Variants in LARP1 observed in about 807,000 individuals in gnomAD.
LARP1 encodes La ribonucleoprotein 1, translational regulator.
Under a neutral mutation model 122.7 loss-of-function variants are expected in LARP1, and 36 were observed. That is an observed-to-expected ratio of 0.29 (90% CI 0.22 to 0.39). The LOEUF (loss-of-function observed/expected upper bound fraction) is 0.39. LARP1 is among the 10% of genes least tolerant of loss of function. The pLI is 1.00. For synonymous variants in LARP1, 539 were observed against 528.7 expected (o/e 1.02, Z -0.27); for missense variants, 1,040 against 1,403.6 (o/e 0.74, Z 4.14).
intron 1 of LARP1, among the ~76,000 whole-genome samples, chr5:154,765,542 C>T (rs903942175): frequency 5.9e-5 from 9 of 152,152 alleles, no homozygotes; most frequent in African/African-American, 2.2e-4. Context: ...TACAGGCACA[C>T]GTCACCACGC....
At chr5:154,746,730 G>A (rs1582267909) in intron 1 of LARP1, among the ~76,000 whole-genome samples, 1 of 152,232 alleles carries the variant, frequency 6.6e-6, no homozygotes, top group South Asian at 2.1e-4. Flanking sequence ...TGGGCACTGT[G>A]GCTCATGCCT....
chr5:154,776,948 AAAAT>A (rs1350239439), intron 1 of LARP1, among the ~76,000 whole-genome samples: 3 of 152,274 alleles, frequency 2.0e-5, no homozygotes, highest in Non-Finnish European at 4.4e-5. Context: ...ATATAAATCT[AAAAT>A]AAATATCAAA....
At chr5:154,685,742 G>A (rs1419528481) in intron 1 of LARP1, 3 of 464,354 alleles carry the variant, frequency 6.5e-6, no homozygotes, top group Non-Finnish European at 1.3e-5. Flanking sequence ...GAGGCCAAGT[G>A]GGAGAAACAC....
intron 1 of LARP1, among the ~76,000 whole-genome samples, chr5:154,741,384 C>A (rs887819868): frequency 1.6e-4 from 25 of 152,164 alleles, no homozygotes; most frequent in African/African-American, 5.8e-4. Flanking sequence ...ATAAAATAGC[C>A]ACGTGCTCCA....
intron 14 of LARP1, 125 bp from the exon 15 acceptor site, chr5:154,805,755 GC>G: frequency 1.0e-6 from 1 of 954,326 alleles, no homozygotes; most frequent in East Asian, 2.4e-5. Flanking sequence ...CCGTAACTGG[GC>G]CTCCTTGTTT....
Position 154,792,776 on chromosome 5 carries a change from G to A in LARP1, c.719G>A (p.Arg240Gln). Residue 240 changes from arginine (R) to glutamine (Q), a missense_variant, in exon 4 of 19, where the codon CGA becomes CAA. This residue lies in a region of LARP1 where 11 missense variants were observed against 33.1 expected (regional missense o/e 0.33). Transcript: ENST00000518297. ...AAGAATGGAGATGAGGATTGCCAGC[G>A]AGGCGGGCAGAAGAAGAAAGGTGAG... ...EEKNGDEDCQ[R>Q]GGQKKKGNKH... The A allele has an allele frequency of 1.2e-6, 2 of 1,614,094 alleles. No homozygotes were observed. Among genetic ancestry groups the A allele is most frequent in the Non-Finnish European group, 8.5e-7 (1 of 1,179,986 alleles).
intron 1 of LARP1, among the ~76,000 whole-genome samples, chr5:154,766,971 C>G (rs1020379932): frequency 2.0e-5 from 3 of 152,212 alleles, no homozygotes; most frequent in Non-Finnish European, 4.4e-5. Context: ...TTAGGAACTT[C>G]AAGCCCAGAA....
intron 1 of LARP1, among the ~76,000 whole-genome samples, chr5:154,703,050 G>C (rs1754789367): frequency 6.6e-6 from 1 of 150,762 alleles, no homozygotes; most frequent in Admixed American, 6.6e-5. Flanking sequence ...GAACCCGGGA[G>C]GTGGAGGTTG....
At chr5:154,766,727 A>T (rs1316040747) in intron 1 of LARP1, among the ~76,000 whole-genome samples, 1 of 152,164 alleles carries the variant, frequency 6.6e-6, no homozygotes, top group Non-Finnish European at 1.5e-5. Context: ...CTGGTTTTAC[A>T]GCTATGCTGA....
chr5:154,694,315 G>A (rs1294146734), intron 1 of LARP1, among the ~76,000 whole-genome samples: 1 of 152,090 alleles, frequency 6.6e-6, no homozygotes, highest in Non-Finnish European at 1.5e-5. Flanking sequence ...GAAGTGCAGT[G>A]GTGTGATCCT....
chr5:154,784,033 C>T lies in LARP1; in HGVS notation c.437-6292C>T, dbSNP rs142969785. ...TGAGTCAAAGCTGGGCTAGGGCCTGCGTTCCTCTGGGAGCCAGCAGTTTCT... is the reference window on the plus strand; with the variant it reads ...TGAGTCAAAGCTGGGCTAGGGCCTGTGTTCCTCTGGGAGCCAGCAGTTTCT... On this transcript the variant is annotated intron_variant, in intron 1 of 18. Transcript: ENST00000518297. 3.2e-3 allele frequency among the ~76,000 whole-genome samples: 489 copies of T among 152,306 alleles called. 3 individuals carry two copies. The highest frequency in any genetic ancestry group is 0.011 in the African/African-American group (476 of 41,564).
intron 1 of LARP1, among the ~76,000 whole-genome samples, chr5:154,771,396 C>T (rs1202787940): frequency 6.6e-6 from 1 of 152,202 alleles, no homozygotes; most frequent in African/African-American, 2.4e-5. Context: ...CAGTGACAAT[C>T]CTCATTTTAC....
intron 1 of LARP1, among the ~76,000 whole-genome samples, chr5:154,774,049 ATT>A (rs543076767): frequency 2.1e-5 from 3 of 142,762 alleles, no homozygotes; most frequent in Middle Eastern, 3.3e-3. Flanking sequence ...GCCTGGCTTC[ATT>A]TTTTTTTTTT....
At chr5:154,771,032 A>G (rs1755375119) in intron 1 of LARP1, among the ~76,000 whole-genome samples, 1 of 151,860 alleles carries the variant, frequency 6.6e-6, no homozygotes, top group African/African-American at 2.4e-5. Context: ...GAGTCGCTTG[A>G]ACGCAGGAGG....
intron 1 of LARP1, among the ~76,000 whole-genome samples, chr5:154,769,824 A>G (rs1022328367): frequency 6.6e-6 from 1 of 152,180 alleles, no homozygotes; most frequent in Non-Finnish European, 1.5e-5. Flanking sequence ...GCTTCAGTCA[A>G]AGTGTTGGGG....
rs983768774 is a variant in LARP1, at chr5:154,789,418, G to A, written c.437-907G>A. Among the ~76,000 whole-genome samples the A allele has an allele frequency of 2.6e-5, 4 of 151,452 alleles. No homozygotes were observed. The East Asian group carries it at 5.9e-4, about 22-fold the overall frequency. On this transcript the variant is annotated intron_variant, in intron 1 of 18. Transcript: ENST00000518297. The stretch of plus-strand genomic sequence containing the variant: ...GTATTTTTAATAGAGACAGGGTTTC[G>A]CCATGTTGGCCAGGCTGGTCTCAAA...
chr5:154,755,447 G>A lies in LARP1; in HGVS notation c.-311G>A. 2 of 654,876 alleles carry A rather than the reference G, an allele frequency of 3.1e-6. No individual in the cohort carries two copies. Among genetic ancestry groups the A allele is most frequent in the Non-Finnish European group, 3.8e-6 (2 of 527,708 alleles). The allele number at this position is 654,876 out of a possible 1,614,324, so 40.6% of individuals were successfully genotyped here. A position where few individuals can be genotyped will look rare whatever the true frequency, so the allele number is the denominator to read the frequency against. On this transcript the variant is annotated 5_prime_UTR_variant, in exon 1 of 19. Coordinates refer to ENST00000518297, the MANE Select transcript of LARP1 (RefSeq NM_033551.3). ...GGGGGCGGGGGGGAGGGAGGGACGG[G>A]ACTAGAAGCCTGCCGGGCTCGGGGT...
intron 1 of LARP1, 97 bp downstream of exon 1, chr5:154,756,290 C>A: frequency 1.0e-6 from 1 of 982,088 alleles, no homozygotes; most frequent in Non-Finnish European, 1.2e-6. Flanking sequence ...GGTCTGCTAC[C>A]GGTCATGGTG....
intron 1 of LARP1, among the ~76,000 whole-genome samples, chr5:154,770,698 T>C (rs971838164): frequency 6.6e-6 from 1 of 152,158 alleles, no homozygotes; most frequent in African/African-American, 2.4e-5. Context: ...GTAAGATCCT[T>C]AGGGCAGAGT....
Sources: allele counts gnomAD v4.1 joint callset (sites outside exome capture counted in the v4.1 genomes callset), GRCh38; gene constraint gnomAD v4.1.1; regional missense constraint gnomAD v4.1.1; transcripts MANE v1.5; gene names NCBI Gene and HGNC (gene_info 2026-07-23, HGNC 2026-07-21).